MECOM: variants seen among roughly 807,000 people sequenced by gnomAD.
MECOM encodes the protein MDS1 and EVI1 complex locus, also known as histone-lysine N-methyltransferase MECOM.
MECOM carries 13 observed loss-of-function variants against 116.3 expected under a neutral mutation model. The ratio of observed to expected loss-of-function variants is 0.11; its 90% CI spans 0.07 to 0.18. The LOEUF is 0.18. Among genes scored for constraint, MECOM ranks in the 10% least tolerant of loss-of-function variants. The probability of loss-of-function intolerance (pLI) is 1.00; values close to 1 mark genes in which losing one functional copy is unlikely to be tolerated. For missense variants in MECOM, 1,299 were observed against 1,509.0 expected (o/e 0.86, Z 2.31); for synonymous variants, 528 against 535.2 (o/e 0.99, Z 0.19).
At chr3:169,643,663 T>C (rs895091678) in intron 1 of MECOM, among the ~76,000 whole-genome samples, 1 of 152,182 alleles carries the variant, frequency 6.6e-6, no homozygotes, top group Non-Finnish European at 1.5e-5. Flanking sequence ...AAGTGGAAGC[T>C]TCAAAAACAT....
chr3:169,638,019 G>A (rs1359410371), intron 1 of MECOM, among the ~76,000 whole-genome samples: 1 of 152,138 alleles, frequency 6.6e-6, no homozygotes, highest in African/African-American at 2.4e-5. Context: ...TCTCATCAAG[G>A]ATGTCTCTCT....
At chr3:169,383,622 C>T (rs1425442092) in intron 1 of MECOM, among the ~76,000 whole-genome samples, 1 of 152,214 alleles carries the variant, frequency 6.6e-6, no homozygotes, top group African/African-American at 2.4e-5. Context: ...CCTCCAGCTT[C>T]TTTCCACTAT....
At chr3:169,435,523 T>C (rs577270853) in intron 1 of MECOM, among the ~76,000 whole-genome samples, 3 of 152,288 alleles carry the variant, frequency 2.0e-5, no homozygotes, top group South Asian at 2.1e-4. Context: ...TGGAAACATA[T>C]GTTTTCTCCA....
At chr3:169,441,743 TTA>T (rs1743725935) in intron 1 of MECOM, among the ~76,000 whole-genome samples, 2 of 144,916 alleles carry the variant, frequency 1.4e-5, no homozygotes, top group East Asian at 2.1e-4. Flanking sequence ...TTTTTTTTTT[TTA>T]AAAAAGGGGG....
At chr3:169,245,948 G>A (rs934988470) in intron 2 of MECOM, among the ~76,000 whole-genome samples, 1 of 152,140 alleles carries the variant, frequency 6.6e-6, no homozygotes, top group African/African-American at 2.4e-5. Flanking sequence ...GTAGTTCCCA[G>A]CTTGTCTGCC....
At chr3:169,147,047 T>G in intron 2 of MECOM, 1 of 991,414 alleles carries the variant, frequency 1.0e-6, no homozygotes, top group Non-Finnish European at 1.2e-6. Flanking sequence ...CCGGGTTTGG[T>G]GTGTTTTGGC....
At chr3:169,632,393 GA>G (rs76642811) in intron 1 of MECOM, among the ~76,000 whole-genome samples, 14 of 150,016 alleles carry the variant, frequency 9.3e-5, no homozygotes, top group African/African-American at 2.5e-4. Flanking sequence ...ATACTTCGGA[GA>G]AAAAAAAATA....
At chr3:169,610,387 T>C (rs778700034) in intron 1 of MECOM, among the ~76,000 whole-genome samples, 12 of 152,070 alleles carry the variant, frequency 7.9e-5, no homozygotes, top group Non-Finnish European at 1.6e-4. Flanking sequence ...TAATAGCAAA[T>C]AATATTGTGT....
chr3:169,105,673 T>C (rs1419311184), intron 10 of MECOM, among the ~76,000 whole-genome samples: 1 of 151,466 alleles, frequency 6.6e-6, no homozygotes, highest in Non-Finnish European at 1.5e-5. Flanking sequence ...TAATCTAAGA[T>C]CAGTAAATGA....
intron 2 of MECOM, among the ~76,000 whole-genome samples, chr3:169,360,316 C>A (rs1220867514): frequency 7.3e-3 from 421 of 57,942 alleles, no homozygotes; most frequent in Non-Finnish European, 8.6e-3. Flanking sequence ...AAAAAAGTTA[C>A]ACCAAAAAAA....
chr3:169,184,774 A>T (rs1746483611), intron 2 of MECOM, among the ~76,000 whole-genome samples: 1 of 152,192 alleles, frequency 6.6e-6, no homozygotes, highest in Non-Finnish European at 1.5e-5. Flanking sequence ...TTGATGGTTA[A>T]AAAGGAGGGT....
intron 2 of MECOM, chr3:169,147,147 C>G: frequency 2.0e-6 from 2 of 985,570 alleles, no homozygotes; most frequent in Non-Finnish European, 2.4e-6. Context: ...CTTATCAGCC[C>G]GATGTGTAAT....
chr3:169,422,119 A>G (rs1417412030), intron 1 of MECOM, among the ~76,000 whole-genome samples: 2 of 152,142 alleles, frequency 1.3e-5, no homozygotes, highest in Non-Finnish European at 2.9e-5. Flanking sequence ...AGTTACCAGT[A>G]TAAGGCTCAT....
intron 2 of MECOM, among the ~76,000 whole-genome samples, chr3:169,362,423 T>C (rs1323903044): frequency 6.6e-6 from 1 of 151,678 alleles, no homozygotes; most frequent in African/African-American, 2.4e-5. Context: ...GTGCAAAAAT[T>C]CAAGGTTCCT....
intron 2 of MECOM, among the ~76,000 whole-genome samples, chr3:169,274,034 C>T (rs1453264952): frequency 1.3e-5 from 2 of 151,738 alleles, no homozygotes; most frequent in South Asian, 4.2e-4. Context: ...GCCTCAGCCT[C>T]CCAAGTAGCT....
intron 2 of MECOM, among the ~76,000 whole-genome samples, chr3:169,191,011 T>C (rs1747455221): frequency 6.6e-6 from 1 of 151,968 alleles, no homozygotes; most frequent in African/African-American, 2.4e-5. Flanking sequence ...TGGTGCACTG[T>C]TTCAGATACC....
intron 1 of MECOM, among the ~76,000 whole-genome samples, chr3:169,563,627 A>C (rs1267980071): frequency 6.6e-6 from 1 of 152,160 alleles, no homozygotes; most frequent in Non-Finnish European, 1.5e-5. Flanking sequence ...GCTTTTTGGA[A>C]TTCAACTTGC....
chr3:169,116,307 TTTGTCTGTTCAGTAC>T lies in MECOM; in HGVS notation c.1550_1564del (p.Ser517_Thr521del), dbSNP rs1729137871. The T allele has an allele frequency of 6.2e-7, 1 of 1,614,214 alleles. No homozygotes were observed. On this transcript the variant is annotated inframe_deletion, in exon 8 of 17. Coordinates refer to ENST00000651503, the MANE Select transcript of MECOM (RefSeq NM_004991.4). ...TGTCATGAGGGGACTTTGACTTTTG[TTTGTCTGTTCAGTAC>T]TTGATAGTCCTTTAACAGGAGAACT...
intron 1 of MECOM, among the ~76,000 whole-genome samples, chr3:169,495,576 A>G (rs190974652): frequency 1.5e-4 from 23 of 152,320 alleles, no homozygotes; most frequent in Non-Finnish European, 2.9e-4. Flanking sequence ...ACAAAGAAGT[A>G]CTATTCATAA....
Sources: gnomAD v4.1 joint callset for allele counts (sites outside exome capture counted in the v4.1 genomes callset) on GRCh38, gnomAD v4.1.1 for gene constraint, MANE v1.5 for transcripts, NCBI Gene and HGNC (gene_info 2026-07-23, HGNC 2026-07-21) for gene names.